Variants in DLG2 observed in about 807,000 individuals in gnomAD.
DLG2 encodes disks large homolog 2.
A neutral mutation model predicts 132.5 loss-of-function variants in DLG2; 45 were observed. The observed-to-expected ratio is 0.34, with a 90% CI of 0.27 to 0.44. The LOEUF (loss-of-function observed/expected upper bound fraction) is 0.44. DLG2 is among the 20% of genes least tolerant of loss of function. DLG2 has a pLI of 1.00. For synonymous variants in DLG2, 424 were observed against 419.6 expected (o/e 1.01, Z -0.13); for missense variants, 1,045 against 1,196.9 (o/e 0.87, Z 1.87).
At chr11:84,805,610 T>TC (rs367793108) in intron 6 of DLG2, among the ~76,000 whole-genome samples, 1 of 151,944 alleles carries the variant, frequency 6.6e-6, no homozygotes, top group African/African-American at 2.4e-5. Flanking sequence ...GTGTGTAGCC[T>TC]CCCCCCATCT....
chr11:84,660,899 G>C (rs867288490), intron 6 of DLG2, among the ~76,000 whole-genome samples: 1 of 151,990 alleles, frequency 6.6e-6, no homozygotes, highest in African/African-American at 2.4e-5. Context: ...ATGTTTCATC[G>C]CATGTTATAA....
chr11:84,169,745 C>T (rs889139648), intron 8 of DLG2, among the ~76,000 whole-genome samples: 7 of 152,038 alleles, frequency 4.6e-5, no homozygotes, highest in East Asian at 3.9e-4. Context: ...TCATGGCTCA[C>T]GCCTGTAGTC....
At chr11:85,216,719 CAG>C (rs760089145) in intron 4 of DLG2, among the ~76,000 whole-genome samples, 2 of 151,514 alleles carry the variant, frequency 1.3e-5, no homozygotes, top group Admixed American at 6.6e-5. Context: ...TTCTTGGAGA[CAG>C]AGTCTCACTC....
intron 18 of DLG2, among the ~76,000 whole-genome samples, chr11:83,708,268 T>G (rs573585859): frequency 6.6e-6 from 1 of 152,332 alleles, no homozygotes; most frequent in East Asian, 1.9e-4. Context: ...AGGAAACAGA[T>G]AGTACCTGTA....
intron 5 of DLG2, among the ~76,000 whole-genome samples, chr11:85,134,447 TGAACCCGGGAGGCG>T (rs2152418239): frequency 7.4e-6 from 1 of 135,212 alleles, no homozygotes; most frequent in African/African-American, 2.8e-5. Context: ...GAGAATGGCG[TGAACCCGGGAGGCG>T]GAGCTTGCAG....
chr11:85,408,437 G>A (rs935725858), intron 3 of DLG2, among the ~76,000 whole-genome samples: 1 of 151,010 alleles, frequency 6.6e-6, no homozygotes, highest in African/African-American at 2.4e-5. Flanking sequence ...GGGTACATGT[G>A]CACAATGTGC....
intron 8 of DLG2, among the ~76,000 whole-genome samples, chr11:84,241,586 GTGA>G (rs967321522): frequency 2.6e-5 from 4 of 151,680 alleles, no homozygotes; most frequent in African/African-American, 9.7e-5. Context: ...AAGGTCCCAA[GTGA>G]TTCAAAAAGA....
intron 16 of DLG2, among the ~76,000 whole-genome samples, chr11:83,850,161 T>TGTGTGTGTGTGTGTGTGTGTGTGTGTGTG (rs58290466): frequency 7.9e-6 from 1 of 126,758 alleles, no homozygotes; most frequent in Non-Finnish European, 1.7e-5. Flanking sequence ...TGTGTGTGTG[T>TGTGTGTGTGTGTGTGTGTGTGTGTGTGTG]TTTTTTACTT....
intron 4 of DLG2, among the ~76,000 whole-genome samples, chr11:85,254,526 T>A (rs1357720675): frequency 1.3e-5 from 2 of 152,178 alleles, no homozygotes. Context: ...TAAGCATGTA[T>A]TTATTTCTTT....
At chr11:85,319,482 A>G (rs1033095462) in intron 3 of DLG2, among the ~76,000 whole-genome samples, 1 of 151,784 alleles carries the variant, frequency 6.6e-6, no homozygotes, top group African/African-American at 2.4e-5. Context: ...TGCTATATAA[A>G]TGTTTTATGG....
intron 16 of DLG2, among the ~76,000 whole-genome samples, chr11:83,837,605 T>A (rs7941665): frequency 2.0e-5 from 3 of 151,430 alleles, no homozygotes; most frequent in South Asian, 2.1e-4. Context: ...TTAGTCTACC[T>A]GTTTTTCCCA....
At chr11:83,686,592 G>A (rs2079825870) in intron 18 of DLG2, among the ~76,000 whole-genome samples, 1 of 151,340 alleles carries the variant, frequency 6.6e-6, no homozygotes, top group African/African-American at 2.4e-5. Context: ...TATGTAATAT[G>A]TATTTATTAA....
intron 7 of DLG2, among the ~76,000 whole-genome samples, chr11:84,414,349 A>G (rs2154460046): frequency 6.6e-6 from 1 of 152,306 alleles, no homozygotes; most frequent in Admixed American, 6.5e-5. Context: ...ACAGAAGACA[A>G]GATTTACAGG....
intron 6 of DLG2, among the ~76,000 whole-genome samples, chr11:84,692,377 C>T (rs1480165087): frequency 2.0e-5 from 3 of 151,604 alleles, no homozygotes; most frequent in South Asian, 2.1e-4. Context: ...ATGTATCTGT[C>T]CATTATTAAC....
At chr11:84,656,145 G>C (rs569309956) in intron 6 of DLG2, among the ~76,000 whole-genome samples, 3 of 152,188 alleles carry the variant, frequency 2.0e-5, no homozygotes, top group African/African-American at 7.2e-5. Context: ...TCCTGCTAGA[G>C]AGAGGACTGT....
At chr11:84,601,019 T>C (rs2099575521) in intron 6 of DLG2, among the ~76,000 whole-genome samples, 1 of 152,174 alleles carries the variant, frequency 6.6e-6, no homozygotes, top group Non-Finnish European at 1.5e-5. Flanking sequence ...AAATATGAAC[T>C]TTGCTCACTT....
intron 19 of DLG2, among the ~76,000 whole-genome samples, chr11:83,578,127 C>A (rs564199905): frequency 6.9e-6 from 1 of 144,938 alleles, no homozygotes; most frequent in Admixed American, 7.0e-5. Flanking sequence ...ACCACAAAAA[C>A]CAGAAGAAAG....
At chr11:85,055,122 A>G (rs965140894) in intron 6 of DLG2, among the ~76,000 whole-genome samples, 1 of 152,212 alleles carries the variant, frequency 6.6e-6, no homozygotes, top group Non-Finnish European at 1.5e-5. Context: ...TGAATGAGTG[A>G]CTTCAGACAA....
intron 6 of DLG2, among the ~76,000 whole-genome samples, chr11:84,719,098 G>A (rs2061518478): frequency 6.6e-6 from 1 of 152,182 alleles, no homozygotes; most frequent in Non-Finnish European, 1.5e-5. Flanking sequence ...CTGAGGCCCA[G>A]AGAAGATTCT....
Sources: allele counts gnomAD v4.1 joint callset (sites outside exome capture counted in the v4.1 genomes callset), GRCh38; gene constraint gnomAD v4.1.1; transcripts MANE v1.5; gene names NCBI Gene and HGNC (gene_info 2026-07-23, HGNC 2026-07-21).